The following FHIP2B variants were observed in gnomAD, a reference collection of about 807,000 sequenced individuals.
The protein encoded by FHIP2B is FHF complex subunit HOOK interacting protein 2B.
FHIP2B carries 72 observed loss-of-function variants against 84.0 expected under a neutral mutation model. The ratio of observed to expected loss-of-function variants is 0.86; its 90% CI spans 0.71 to 1.04. The LOEUF (loss-of-function observed/expected upper bound fraction) is 1.04, where lower values mean the gene tolerates loss of function less well. FHIP2B is among the 50% of genes least tolerant of loss of function. The pLI is 0.00. For synonymous variants in FHIP2B, 497 were observed against 418.7 expected (o/e 1.19, Z -2.28); for missense variants, 972 against 968.9 (o/e 1.00, Z -0.04).
intron 5 of FHIP2B, 69 bp downstream of exon 5, chr8:22,097,908 T>A: frequency 1.3e-6 from 2 of 1,583,958 alleles, no homozygotes; most frequent in Non-Finnish European, 1.7e-6. Context: ...TCTGCCCTCC[T>A]GAGGAGGCAG....
At position 22,100,963 on chromosome 8, in the gene FHIP2B, TC is replaced by T; in HGVS notation, c.1608del (p.Ile536MetfsTer49). 6.2e-7 allele frequency: 1 copy of T among 1,613,770 alleles called. No homozygotes were observed. The highest frequency in any genetic ancestry group is 1.1e-5 in the South Asian group (1 of 91,082). ...GATGGCAAAACAGCAGTGACCGAGA[TC>T]GTCAACAGGTGGGGAGCAAGTTAGG... ...SYDGKTAVTE[I>X]VNSFLCLVPE... On this transcript the variant is annotated frameshift_variant, in exon 12 of 17. Transcript: ENST00000289921. LOFTEE classifies it high-confidence loss of function.
chr8:22,102,482 C>G (rs1367029685), intron 15 of FHIP2B, 46 bp from the exon 16 acceptor site: 14 of 1,538,308 alleles, frequency 9.1e-6, no homozygotes, highest in Non-Finnish European at 1.2e-5. Flanking sequence ...AGGGGACTCA[C>G]TGGTGTTGCT....
Position 22,102,045 on chromosome 8 carries a change from A to G in FHIP2B, c.1852-130A>G, listed in dbSNP as rs1826149146. ...TCTGGCCCTCAGCCCCATGGAATCC[A>G]TGACACACACACATCACGTGAGCCT... On this transcript the variant is annotated intron_variant, in intron 14 of 16. Transcript: ENST00000289921. 4 of 1,554,226 alleles carry G rather than the reference A, an allele frequency of 2.6e-6. No homozygotes were observed. The South Asian group carries it at 3.6e-5, about 14-fold the overall frequency.
At chr8:22,096,547 G>T (rs748382811) in intron 3 of FHIP2B, 38 bp downstream of exon 3, 1 of 1,477,656 alleles carries the variant, frequency 6.8e-7, no homozygotes, top group Admixed American at 2.3e-5. Context: ...GGCCGAGGTG[G>T]GAGGCCTCTG....
rs750677280 is a variant in FHIP2B at position 22,097,821 on chromosome 8, G to A, written c.507G>A (p.Leu169=). The A allele has an allele frequency of 1.9e-6, 3 of 1,613,382 alleles. No homozygotes were observed. Among genetic ancestry groups the A allele is most frequent in the Non-Finnish European group, 2.5e-6 (3 of 1,179,772 alleles). Residue 169 remains leucine, a synonymous_variant, in exon 5 of 17, where the codon CTG becomes CTA. Transcript: ENST00000289921. Reference sequence around the variant, plus strand: ...CCAAGATCCAGCAGGACCCAGAGCTGCTCGCCTACATCCTGGAAGTGAGCA... The same window carrying A: ...CCAAGATCCAGCAGGACCCAGAGCTACTCGCCTACATCCTGGAAGTGAGCA... The part of the protein sequence containing the change: ...LCSKIQQDPE[L]LAYILEGKKI...
chr8:22,099,004 C>T lies in FHIP2B; in HGVS notation c.1022C>T (p.Ala341Val), dbSNP rs1825950352. 1.2e-6 allele frequency: 2 copies of T among 1,608,446 alleles called. No individual in the cohort carries two copies. The highest frequency in any genetic ancestry group is 1.1e-5 in the South Asian group (1 of 89,494). Residue 341 changes from alanine (A) to valine (V), a missense_variant, in exon 8 of 17, where the codon GCC becomes GTC. By Grantham distance (64) the Ala-to-Val change is moderately conservative (BLOSUM62 0). Coordinates refer to ENST00000289921, the MANE Select transcript of FHIP2B (RefSeq NM_022749.7). ...TTCCCTGGCAAGGAGGCCTTGGCTG[C>T]CTTCTTGGGCTGGTTTGATTACTGC... ...ASFPGKEALA[A>V]FLGWFDYCDH...
intron 2 of FHIP2B, 184 bp downstream of exon 2, chr8:22,094,702 C>T (rs1049263453): frequency 5.1e-5 from 73 of 1,421,412 alleles, no homozygotes; most frequent in Non-Finnish European, 5.7e-5. Flanking sequence ...CACTCCACTC[C>T]TGATGATTTA....
chr8:22,090,942 A>T (rs377660790), intron 1 of FHIP2B, among the ~76,000 whole-genome samples: 1 of 152,186 alleles, frequency 6.6e-6, no homozygotes, highest in African/African-American at 2.4e-5. Context: ...AAGGCTTCCA[A>T]TGACAGAAGT....
chr8:22,091,994 G>A (rs192343584), intron 1 of FHIP2B, among the ~76,000 whole-genome samples: 2 of 152,316 alleles, frequency 1.3e-5, no homozygotes, highest in East Asian at 1.9e-4. Flanking sequence ...CAGAAGAGAT[G>A]ATTGCTCAGC....
intron 10 of FHIP2B, chr8:22,100,347 G>C (rs1826035873): frequency 2.3e-6 from 1 of 440,500 alleles, no homozygotes; most frequent in African/African-American, 2.0e-5. Context: ...TGGAAAGTAA[G>C]GCACGGAGAA....
At position 22,099,358 on chromosome 8, in the gene FHIP2B, C is replaced by T. The variant is rs371554448; in HGVS notation, c.1149C>T (p.His383=). The T allele has an allele frequency of 3.7e-6, 6 of 1,613,082 alleles. No homozygotes were observed. The highest frequency in any genetic ancestry group is 1.3e-5 in the African/African-American group (1 of 74,924). Residue 383 remains histidine, a splice_region_variant and synonymous_variant, in exon 9 of 17, where the codon CAC becomes CAT. Transcript: ENST00000289921. ...AGACCCTGCAGCCCCAGCTCCTGCA[C>T]GTGTAAGTGTCTAGTTCCCTCAGGC... ...FVETLQPQLL[H]VSEQSILTST... is the part of the protein sequence containing the mutation.
At chr8:22,090,316 C>T (rs534540579) in intron 1 of FHIP2B, among the ~76,000 whole-genome samples, 1 of 152,346 alleles carries the variant, frequency 6.6e-6, no homozygotes. Flanking sequence ...TCCCCACCAC[C>T]TCCTCCCCAA....
intron 13 of FHIP2B, 87 bp from the exon 14 acceptor site, chr8:22,101,621 G>A (rs1826119717): frequency 4.5e-6 from 7 of 1,557,448 alleles, no homozygotes; most frequent in East Asian, 2.4e-5. Flanking sequence ...TCTGCCCAAG[G>A]ACCCCAGCCC....
chr8:22,096,202 G>A (rs2131699613), intron 2 of FHIP2B, 135 bp from the exon 3 acceptor site: 1 of 802,886 alleles, frequency 1.2e-6, no homozygotes, highest in Non-Finnish European at 1.9e-6. Context: ...CCATTTCCCA[G>A]TTGCCAGCAG....
chr8:22,097,978 C>T (rs1369937387), intron 5 of FHIP2B, 90 bp from the exon 6 acceptor site: 62 of 1,528,372 alleles, frequency 4.1e-5, no homozygotes, highest in Non-Finnish European at 5.2e-5. Context: ...TCCAGGCCGA[C>T]GCCCTGCTGG....
intron 3 of FHIP2B, 54 bp from the exon 4 acceptor site, chr8:22,097,462 G>C (rs12550032): frequency 9.6e-7 from 1 of 1,046,544 alleles, no homozygotes; most frequent in Admixed American, 2.6e-5. Flanking sequence ...TACCCGCCAG[G>C]CATGCGGCAG....
Position 22,100,964 on chromosome 8 carries a change from C to T in FHIP2B, c.1608C>T (p.Ile536=), listed in dbSNP as rs760075403. 8.1e-6 allele frequency: 13 copies of T among 1,613,608 alleles called. No individual in the cohort carries two copies. The highest frequency in any genetic ancestry group is 2.2e-5 in the South Asian group (2 of 91,072). Residue 536 remains isoleucine (I), a synonymous_variant, in exon 12 of 17, where the codon ATC becomes ATT. Transcript: ENST00000289921. The part of the protein sequence containing the change: ...SYDGKTAVTE[I]VNSFLCLVPE... ...ATGGCAAAACAGCAGTGACCGAGAT[C>T]GTCAACAGGTGGGGAGCAAGTTAGG...
At chr8:22,090,695 G>A (rs374252177) in intron 1 of FHIP2B, among the ~76,000 whole-genome samples, 8 of 151,826 alleles carry the variant, frequency 5.3e-5, no homozygotes, top group South Asian at 2.1e-4. Flanking sequence ...TGCGATCTCC[G>A]CTCATTGCAG....
In FHIP2B at chr8:22,102,936, G is replaced by A. The variant is rs1229913110; in HGVS notation, c.*5G>A. The A allele has an allele frequency of 5.6e-6, 9 of 1,612,560 alleles. No homozygotes were observed. Among genetic ancestry groups the A allele is most frequent in the Non-Finnish European group, 5.9e-6 (7 of 1,179,442 alleles). On this transcript the variant is annotated 3_prime_UTR_variant, in exon 17 of 17. Transcript: ENST00000289921. ...GCCCCGGAAGGGCAGGTCTGAGCCAGCACCAGGGCGGTGGGAGACTCCTGT... is the reference window on the plus strand; with the variant it reads ...GCCCCGGAAGGGCAGGTCTGAGCCAACACCAGGGCGGTGGGAGACTCCTGT...
Sources: allele counts gnomAD v4.1 joint callset (sites outside exome capture counted in the v4.1 genomes callset), GRCh38; gene constraint gnomAD v4.1.1; transcripts MANE v1.5; gene names NCBI Gene and HGNC (gene_info 2026-07-23, HGNC 2026-07-21).